The following FNDC3B variants were observed in gnomAD, a reference collection of about 807,000 sequenced individuals.
FNDC3B encodes fibronectin type III domain containing 3B.
A neutral mutation model predicts 151.5 loss-of-function variants in FNDC3B; 12 were observed. The ratio of observed to expected loss-of-function variants is 0.08; its 90% CI spans 0.05 to 0.13. The LOEUF is 0.13. FNDC3B is among the 10% of genes least tolerant of loss of function. The pLI is 1.00. For missense variants in FNDC3B, 1,214 were observed against 1,505.3 expected, an observed-to-expected ratio of 0.81 and a Z score of 3.20; for synonymous variants, 528 against 549.0, an observed-to-expected ratio of 0.96 and a Z score of 0.54.
chr3:172,179,960 C>T (rs898771309), intron 3 of FNDC3B, among the ~76,000 whole-genome samples: 28 of 151,286 alleles, frequency 1.9e-4, no homozygotes, highest in African/African-American at 5.1e-4. Context: ...GGCTGAATGA[C>T]CTCTTTGGGG....
chr3:172,057,424 GT>G (rs1195921245), intron 1 of FNDC3B, among the ~76,000 whole-genome samples: 1 of 152,208 alleles, frequency 6.6e-6, no homozygotes, highest in Non-Finnish European at 1.5e-5. Context: ...GACATGGAAT[GT>G]TTGGCAGAGA....
chr3:172,166,278 A>G (rs1722997678), intron 3 of FNDC3B, among the ~76,000 whole-genome samples: 1 of 152,164 alleles, frequency 6.6e-6, no homozygotes, highest in Non-Finnish European at 1.5e-5. Context: ...ATATGCTTCT[A>G]GTTCCTCAAT....
rs138301650 is a variant in FNDC3B at position 172,095,036 on chromosome 3, G to A, written c.-28-17416G>A. 6.9e-4 allele frequency among the ~76,000 whole-genome samples: 105 copies of A among 151,928 alleles called. 1 individual carries two copies. Among genetic ancestry groups the A allele is most frequent in the African/African-American group, 2.3e-3 (96 of 41,396 alleles). On this transcript the variant is annotated intron_variant, in intron 1 of 25. Coordinates refer to ENST00000415807, the MANE Select transcript of FNDC3B (RefSeq NM_022763.4). ...GTCAGAGGTAACAGACTTCATCAAAGGAATACTCTCTTCAGTAATGGTGAT... is the reference window on the plus strand; with the variant it reads ...GTCAGAGGTAACAGACTTCATCAAAAGAATACTCTCTTCAGTAATGGTGAT...
chr3:172,374,887 AG>A (rs1256257146), intron 23 of FNDC3B, among the ~76,000 whole-genome samples: 1 of 152,210 alleles, frequency 6.6e-6, no homozygotes, highest in East Asian at 1.9e-4. Context: ...CCAGATCTTT[AG>A]GGGGTATAGA....
chr3:172,065,336 GA>G (rs1211271182), intron 1 of FNDC3B, among the ~76,000 whole-genome samples: 2 of 151,914 alleles, frequency 1.3e-5, no homozygotes, highest in South Asian at 2.1e-4. Flanking sequence ...CGACTCAAAA[GA>G]AAAAAAATTT....
intron 11 of FNDC3B, 107 bp downstream of exon 11, chr3:172,310,988 A>G (rs1731447424): frequency 3.7e-6 from 3 of 804,918 alleles, no homozygotes; most frequent in Non-Finnish European, 6.4e-6. Context: ...CACAGAAAAA[A>G]GGAATGCTAG....
At chr3:172,241,352 G>A (rs758410770) in intron 4 of FNDC3B, among the ~76,000 whole-genome samples, 4 of 152,126 alleles carry the variant, frequency 2.6e-5, no homozygotes, top group Non-Finnish European at 4.4e-5. Context: ...GTGTCAGCAG[G>A]ATTAGTTGGT....
chr3:172,160,301 A>G (rs777239553), intron 3 of FNDC3B, among the ~76,000 whole-genome samples: 4 of 152,032 alleles, frequency 2.6e-5, no homozygotes, highest in South Asian at 4.1e-4. Flanking sequence ...TTGGCTTCCC[A>G]CTTACAGGGG....
At chr3:172,257,264 C>G (rs1728400561) in intron 6 of FNDC3B, among the ~76,000 whole-genome samples, 1 of 152,188 alleles carries the variant, frequency 6.6e-6, no homozygotes, top group African/African-American at 2.4e-5. Context: ...ACATTGTTGA[C>G]TTTCACTTTG....
At chr3:172,310,937 C>G in intron 11 of FNDC3B, 56 bp downstream of exon 11, 1 of 1,178,866 alleles carries the variant, frequency 8.5e-7, no homozygotes, top group Non-Finnish European at 1.3e-6. Flanking sequence ...ACAAAATTAA[C>G]TGAACAAATG....
chr3:172,177,626 C>CTTTTTTTTTTTTTTTTTTTTTTTTT lies in FNDC3B; in HGVS notation c.187+44101_187+44102insTTTTTTTTTTTTTTTTTTTTTTTTT, dbSNP rs10684671. On this transcript the variant is annotated intron_variant, in intron 3 of 25. Coordinates refer to ENST00000415807, the MANE Select transcript of FNDC3B (RefSeq NM_022763.4). ...AGGAAGGAATCATTTTTACCACCAT[C>CTTTTTTTTTTTTTTTTTTTTTTTTT]TTTTTTTTTTTTTTTTTTTTTGCAC... Among the ~76,000 whole-genome samples, 32 of 84,834 alleles carry CTTTTTTTTTTTTTTTTTTTTTTTTT rather than the reference C, an allele frequency of 3.8e-4. 1 individual carries two copies. Among genetic ancestry groups the CTTTTTTTTTTTTTTTTTTTTTTTTT allele is most frequent in the African/African-American group, 1.4e-3 (29 of 20,522 alleles). 55.7% of individuals were successfully genotyped at this position (84,834 alleles called of 152,430 possible).
chr3:172,065,455 T>C (rs1483055957), intron 1 of FNDC3B, among the ~76,000 whole-genome samples: 1 of 152,242 alleles, frequency 6.6e-6, no homozygotes, highest in East Asian at 1.9e-4. Flanking sequence ...AAGTCCTACT[T>C]CCTGTGTGTG....
At chr3:172,077,556 A>G (rs1718072420) in intron 1 of FNDC3B, among the ~76,000 whole-genome samples, 1 of 152,218 alleles carries the variant, frequency 6.6e-6, no homozygotes, top group Non-Finnish European at 1.5e-5. Flanking sequence ...TTTATGTCGG[A>G]CTTATAAACA....
At chr3:172,194,175 A>C (rs889971962) in intron 3 of FNDC3B, among the ~76,000 whole-genome samples, 26 of 152,074 alleles carry the variant, frequency 1.7e-4, no homozygotes, top group Non-Finnish European at 3.4e-4. Flanking sequence ...AGCCGAGATC[A>C]CGCCACTGCA....
intron 1 of FNDC3B, among the ~76,000 whole-genome samples, chr3:172,106,200 A>G (rs760740271): frequency 6.6e-6 from 1 of 152,134 alleles, no homozygotes; most frequent in Non-Finnish European, 1.5e-5. Flanking sequence ...GGGTCTTGCT[A>G]TGTTGCCCAG....
chr3:172,364,522 C>T (rs1734516021), intron 23 of FNDC3B, among the ~76,000 whole-genome samples: 1 of 152,214 alleles, frequency 6.6e-6, no homozygotes, highest in South Asian at 2.1e-4. Flanking sequence ...AGGCTCTGCC[C>T]CAAGGGCACC....
At chr3:172,156,199 T>C (rs1189364025) in intron 3 of FNDC3B, among the ~76,000 whole-genome samples, 2 of 152,222 alleles carry the variant, frequency 1.3e-5, no homozygotes, top group African/African-American at 2.4e-5. Context: ...CTCTTTGCCT[T>C]ATTAAAAAAA....
intron 3 of FNDC3B, among the ~76,000 whole-genome samples, chr3:172,220,309 A>G (rs1295561385): frequency 2.0e-5 from 3 of 152,112 alleles, no homozygotes; most frequent in Non-Finnish European, 4.4e-5. Flanking sequence ...TGTGTTGGCT[A>G]TTTACATATT....
At chr3:172,359,004 GGT>G in intron 22 of FNDC3B, among the ~76,000 whole-genome samples, 1 of 148,434 alleles carries the variant, frequency 6.7e-6, no homozygotes, top group African/African-American at 2.5e-5. Context: ...TGGTGGTGGT[GGT>G]GGTGGTGGTG....
Sources: allele counts gnomAD v4.1 joint callset (sites outside exome capture counted in the v4.1 genomes callset), GRCh38; gene constraint gnomAD v4.1.1; transcripts MANE v1.5; gene names NCBI Gene and HGNC (gene_info 2026-07-23, HGNC 2026-07-21).